PRKG1: variants seen among roughly 807,000 people sequenced by gnomAD.
PRKG1 encodes the protein protein kinase cGMP-dependent 1.
PRKG1 carries 35 observed loss-of-function variants against 88.1 expected under a neutral mutation model. The observed-to-expected ratio is 0.40, with a 90% confidence interval of 0.30 to 0.53. The LOEUF (loss-of-function observed/expected upper bound fraction) is 0.53. Among genes scored for constraint, PRKG1 ranks in the 20% least tolerant of loss-of-function variants. The probability of loss-of-function intolerance (pLI) is 0.59; values close to 1 mark genes in which losing one functional copy is unlikely to be tolerated. For synonymous variants in PRKG1, 303 were observed against 292.5 expected, an observed-to-expected ratio of 1.04 and a Z score of -0.37; for missense variants, 540 against 839.8, an observed-to-expected ratio of 0.64 and a Z score of 4.41.
intron 5 of PRKG1, among the ~76,000 whole-genome samples, chr10:52,004,086 A>C (rs903410191): frequency 2.0e-5 from 3 of 152,196 alleles, no homozygotes; most frequent in Admixed American, 2.0e-4. Context: ...TATTCATATT[A>C]ATTATCTCTA....
intron 5 of PRKG1, among the ~76,000 whole-genome samples, chr10:52,045,711 GAA>G (rs112340543): frequency 6.7e-6 from 1 of 149,912 alleles, no homozygotes; most frequent in East Asian, 2.0e-4. Flanking sequence ...ATGATTAAAA[GAA>G]AAAAAAACAA....
chr10:52,124,721 A>G (rs986135657), intron 7 of PRKG1, among the ~76,000 whole-genome samples: 1 of 152,074 alleles, frequency 6.6e-6, no homozygotes, highest in Non-Finnish European at 1.5e-5. Context: ...TAAAATACAA[A>G]CAATTCATAC....
chr10:52,037,561 G>A (rs1365629134), intron 5 of PRKG1, among the ~76,000 whole-genome samples: 3 of 152,214 alleles, frequency 2.0e-5, no homozygotes, highest in South Asian at 2.1e-4. Flanking sequence ...GAACTGGGCT[G>A]GATTTTTATA....
intron 3 of PRKG1, among the ~76,000 whole-genome samples, chr10:51,544,741 C>T (rs1000028029): frequency 5.9e-5 from 9 of 151,964 alleles, no homozygotes; most frequent in African/African-American, 1.2e-4. Context: ...TTTTAATGAT[C>T]GCCATTCTAA....
At chr10:51,054,350 A>G (rs1445310904) in intron 1 of PRKG1, among the ~76,000 whole-genome samples, 2 of 152,178 alleles carry the variant, frequency 1.3e-5, no homozygotes, top group Admixed American at 6.5e-5. Flanking sequence ...CCTTAAAATG[A>G]TTTAATTTGT....
intron 2 of PRKG1, among the ~76,000 whole-genome samples, chr10:51,172,648 GTATCTATCTATCTATC>G (rs151084687): frequency 0.019 from 774 of 40,994 alleles, 2 homozygotes; most frequent in Middle Eastern, 0.039. Context: ...ATGTATGTAT[GTATCTATCTATCTATC>G]TATCTATCTA....
chr10:51,737,727 T>G (rs1390251821), intron 3 of PRKG1, among the ~76,000 whole-genome samples: 2 of 111,726 alleles, frequency 1.8e-5, no homozygotes, highest in African/African-American at 7.9e-5. Flanking sequence ...ATTTATTTAT[T>G]TATTTATTTA....
chr10:51,706,241 T>C (rs1456569197), intron 3 of PRKG1, among the ~76,000 whole-genome samples: 1 of 152,216 alleles, frequency 6.6e-6, no homozygotes. Context: ...GCTTAGTGTA[T>C]TTAATATGAA....
At chr10:51,985,408 C>T (rs1564739666) in intron 5 of PRKG1, among the ~76,000 whole-genome samples, 1 of 151,942 alleles carries the variant, frequency 6.6e-6, no homozygotes, top group Non-Finnish European at 1.5e-5. Flanking sequence ...ATTTAAGTGT[C>T]AAAAAATGTT....
upstream of PRKG1, among the ~76,000 whole-genome samples, chr10:51,070,074 T>C (rs527301310): frequency 7.2e-4 from 110 of 152,176 alleles, 1 homozygote; most frequent in Middle Eastern, 0.01. Context: ...AAGACACTCT[T>C]CTCTCTCTGG....
At chr10:52,281,451 TA>T (rs11355492) in intron 13 of PRKG1, among the ~76,000 whole-genome samples, 108,880 of 151,950 alleles carry the variant, frequency 0.72, 39,162 homozygotes, top group East Asian at 0.83. Flanking sequence ...TTGGATCTGT[TA>T]ACAGCTTGAT....
At chr10:51,153,012 T>C (rs1846116500) in intron 1 of PRKG1, 152 bp from the exon 2 acceptor site, 1 of 254,694 alleles carries the variant, frequency 3.9e-6, no homozygotes, top group East Asian at 7.7e-5. Context: ...GCCATGGACA[T>C]ACTTTGTTCT....
At chr10:51,862,208 G>A (rs562855895) in intron 4 of PRKG1, among the ~76,000 whole-genome samples, 5 of 152,268 alleles carry the variant, frequency 3.3e-5, no homozygotes, top group African/African-American at 1.2e-4. Flanking sequence ...CAGCTCATTT[G>A]TTCCCACTGC....
chr10:51,376,324 TTG>T (rs992966268), intron 2 of PRKG1, among the ~76,000 whole-genome samples: 3 of 152,218 alleles, frequency 2.0e-5, no homozygotes, highest in African/African-American at 7.2e-5. Flanking sequence ...CACAATACAG[TTG>T]TGTCTCTTTC....
chr10:52,094,441 C>G (rs1847128342), intron 7 of PRKG1, among the ~76,000 whole-genome samples: 2 of 152,070 alleles, frequency 1.3e-5, no homozygotes, highest in South Asian at 2.1e-4. Flanking sequence ...TCTTTTATCT[C>G]TCATTTATAT....
At chr10:51,263,164 A>G (rs893763656) in intron 2 of PRKG1, among the ~76,000 whole-genome samples, 1 of 152,048 alleles carries the variant, frequency 6.6e-6, no homozygotes, top group African/African-American at 2.4e-5. Flanking sequence ...TTAGGGTTTA[A>G]TGTTCACCCC....
chr10:51,218,009 A>C (rs934713973), intron 2 of PRKG1, among the ~76,000 whole-genome samples: 6 of 152,098 alleles, frequency 3.9e-5, no homozygotes, highest in African/African-American at 1.4e-4. Context: ...TGTACATTTC[A>C]AGGGCCATTT....
intron 5 of PRKG1, among the ~76,000 whole-genome samples, chr10:52,000,787 A>G (rs182320836): frequency 1.3e-5 from 2 of 152,226 alleles, no homozygotes; most frequent in East Asian, 3.9e-4. Flanking sequence ...GGTTTAAAGA[A>G]GATCTTAATT....
At chr10:52,099,871 C>G (rs1026313709) in intron 7 of PRKG1, among the ~76,000 whole-genome samples, 6 of 152,190 alleles carry the variant, frequency 3.9e-5, no homozygotes, top group Admixed American at 1.3e-4. Context: ...AAGTCAAGAA[C>G]TAAACAGGAG....
Sources: gnomAD v4.1 joint callset for allele counts (sites outside exome capture counted in the v4.1 genomes callset) on GRCh38, gnomAD v4.1.1 for gene constraint, MANE v1.5 for transcripts, NCBI Gene and HGNC (gene_info 2026-07-23, HGNC 2026-07-21) for gene names.